LRRC7: variants seen among roughly 807,000 people sequenced by gnomAD.
The protein encoded by LRRC7 is leucine-rich repeat-containing protein 7.
In LRRC7, 23 loss-of-function variants were observed where a neutral mutation model predicts 175.7. That is an observed-to-expected ratio of 0.13 (90% CI 0.09 to 0.19). The LOEUF is 0.19. Among genes scored for constraint, LRRC7 ranks in the 10% least tolerant of loss-of-function variants. The probability of loss-of-function intolerance (pLI) is 1.00; values close to 1 mark genes in which losing one functional copy is unlikely to be tolerated. For missense variants in LRRC7, 1,354 were observed against 1,904.7 expected, an observed-to-expected ratio of 0.71 and a Z score of 5.38; for synonymous variants, 685 against 680.9, an observed-to-expected ratio of 1.01 and a Z score of -0.09.
intron 5 of LRRC7, among the ~76,000 whole-genome samples, chr1:69,827,040 A>C (rs2101257121): frequency 6.6e-6 from 1 of 152,292 alleles, no homozygotes; most frequent in African/African-American, 2.4e-5. Flanking sequence ...AATGTGTTTA[A>C]AAATTACAGT....
chr1:70,130,346 G>C lies in LRRC7; in HGVS notation c.*8459G>C, dbSNP rs920461019. The C allele has an allele frequency of 2.6e-5, 4 of 152,150 alleles. No homozygotes were observed. Among genetic ancestry groups the C allele is most frequent in the Admixed American group, 6.6e-5 (1 of 15,258 alleles). The allele number at this position is 152,150 out of a possible 1,614,324, so 9.4% of individuals were successfully genotyped here. A position where few individuals can be genotyped will look rare whatever the true frequency, so the allele number is the denominator to read the frequency against. On this transcript the variant is annotated 3_prime_UTR_variant, in exon 27 of 27. Transcript: ENST00000651989. Reference sequence around the variant, plus strand: ...GTATAGGTTCTCAATAAATATTTGTGTAATTATTAAGTGGATGACAGGCCT... The same window carrying C: ...GTATAGGTTCTCAATAAATATTTGTCTAATTATTAAGTGGATGACAGGCCT...
Position 69,760,233 on chromosome 1 carries a change from G to A in LRRC7, c.143G>A (p.Arg48His), listed in dbSNP as rs1417501005. The A allele has an allele frequency of 2.2e-5, 36 of 1,612,586 alleles. No individual in the cohort carries two copies. The highest frequency in any genetic ancestry group is 2.8e-5 in the Non-Finnish European group (33 of 1,179,266). Residue 48 changes from arginine to histidine, a missense_variant, in exon 3 of 27, where the codon CGT becomes CAT. Transcript: ENST00000651989. Reference sequence around the variant, plus strand: ...ACCACCAAACGGAAAATCATCGGCCGTCTGGTGCCATGCCGATGTTTCCGA... The same window carrying A: ...ACCACCAAACGGAAAATCATCGGCCATCTGGTGCCATGCCGATGTTTCCGA... ...EMTTKRKIIG[R>H]LVPCRCFRGE... is the part of the protein sequence containing the mutation.
chr1:69,745,600 A>T, intron 2 of LRRC7, among the ~76,000 whole-genome samples: 1 of 151,932 alleles, frequency 6.6e-6, no homozygotes, highest in Middle Eastern at 3.2e-3. Flanking sequence ...AGAATATTTC[A>T]GTCTTCAAAA....
At chr1:69,953,529 C>T (rs1169635004) in intron 8 of LRRC7, among the ~76,000 whole-genome samples, 2 of 152,040 alleles carry the variant, frequency 1.3e-5, no homozygotes, top group Non-Finnish European at 2.9e-5. Context: ...TGAATAGTGC[C>T]TATAACAGAT....
chr1:69,628,491 CAG>C (rs1357201188), intron 1 of LRRC7, among the ~76,000 whole-genome samples: 1 of 152,134 alleles, frequency 6.6e-6, no homozygotes, highest in Non-Finnish European at 1.5e-5. Flanking sequence ...TAAGTAAACT[CAG>C]AGATATTCAC....
chr1:69,607,478 G>T (rs1401333331), intron 1 of LRRC7: 1 of 151,760 alleles, frequency 6.6e-6, no homozygotes, highest in African/African-American at 2.4e-5. Context: ...TTTATACCTT[G>T]ATATACATTT....
chr1:70,023,262 A>T lies in LRRC7; in HGVS notation c.1682A>T (p.Asp561Val). The change falls in exon 17 of 27, where the codon GAC (aspartate) becomes GTC (valine). Residue 561 changes from aspartate (D) to valine (V), a missense_variant. This residue lies in a region of LRRC7 where 1,032 missense variants were observed against 1,227.2 expected (regional missense o/e 0.84). Coordinates refer to ENST00000651989, the MANE Select transcript of LRRC7 (RefSeq NM_001370785.2). Reference protein sequence around the residue: ...QIQDMPVPQNDPQLAWGCISG... With the variant: ...QIQDMPVPQNVPQLAWGCISG... ...CAAGATATGCCCGTCCCCCAGAATG[A>T]CCCACAGCTGGCATGGGGTTGTATA... The T allele has an allele frequency of 6.2e-7, 1 of 1,613,250 alleles. No individual in the cohort carries two copies. The highest frequency in any genetic ancestry group is 8.5e-7 in the Non-Finnish European group (1 of 1,179,552).
At chr1:69,702,716 CAAATAT>C (rs2100701698) in intron 2 of LRRC7, among the ~76,000 whole-genome samples, 1 of 152,042 alleles carries the variant, frequency 6.6e-6, no homozygotes, top group African/African-American at 2.4e-5. Flanking sequence ...ACCTAAAAGA[CAAATAT>C]AAATGATGGA....
At chr1:69,584,732 A>G (rs1026624005) in intron 1 of LRRC7, among the ~76,000 whole-genome samples, 5 of 152,150 alleles carry the variant, frequency 3.3e-5, no homozygotes, top group African/African-American at 7.2e-5. Context: ...TAAAGACAAA[A>G]ATTAATATGT....
intron 10 of LRRC7, among the ~76,000 whole-genome samples, chr1:69,992,307 T>C (rs1203214692): frequency 6.6e-6 from 1 of 152,132 alleles, no homozygotes. Context: ...ACTGCATATA[T>C]GTGTGTGTAG....
In LRRC7 at chr1:69,986,235, C is replaced by A; in HGVS notation, c.787-7C>A. ...AACTAACCCTGAGTTTATGCAATGTCATCAAGTCTATAGGGAAGTTAAAGA... is the reference window on the plus strand; with the variant it reads ...AACTAACCCTGAGTTTATGCAATGTAATCAAGTCTATAGGGAAGTTAAAGA... On this transcript the variant is annotated splice_polypyrimidine_tract_variant and splice_region_variant and intron_variant, in intron 9 of 26. Coordinates refer to ENST00000651989, the MANE Select transcript of LRRC7 (RefSeq NM_001370785.2). The A allele has an allele frequency of 6.2e-7, 1 of 1,610,572 alleles. No homozygotes were observed. Among genetic ancestry groups the A allele is most frequent in the South Asian group, 1.1e-5 (1 of 90,664 alleles).
At chr1:69,577,874 G>A (rs1646021762) in intron 1 of LRRC7, among the ~76,000 whole-genome samples, 1 of 152,058 alleles carries the variant, frequency 6.6e-6, no homozygotes, top group Admixed American at 6.6e-5. Context: ...CTCTTTTTTG[G>A]TTCCATATGA....
Position 69,998,136 on chromosome 1 carries a change from C to T in LRRC7, c.1004+3503C>T, listed in dbSNP as rs1557972433. On this transcript the variant is annotated intron_variant, in intron 11 of 26. Transcript: ENST00000651989. ...GGGAAAGCCTTATTTTTTTAAATAG[C>T]TTTATTAAGTATAATTGACATACAA... 2.0e-5 allele frequency among the ~76,000 whole-genome samples: 3 copies of T among 152,048 alleles called. No homozygotes were observed. The South Asian group carries it at 6.2e-4, about 32-fold the overall frequency.
intron 7 of LRRC7, among the ~76,000 whole-genome samples, chr1:69,924,630 G>A (rs1647002159): frequency 6.6e-6 from 1 of 152,242 alleles, no homozygotes; most frequent in East Asian, 1.9e-4. Context: ...GAATGCTTGT[G>A]ATTTTTGTAC....
intron 25 of LRRC7, among the ~76,000 whole-genome samples, chr1:70,101,266 AT>A (rs1177704431): frequency 6.6e-6 from 1 of 152,162 alleles, no homozygotes; most frequent in African/African-American, 2.4e-5. Flanking sequence ...GCTATATGCT[AT>A]TTTTAACTCA....
At position 70,044,068 on chromosome 1, in the gene LRRC7, GATC is replaced by G; in HGVS notation, c.4089_4091del (p.His1363del). On this transcript the variant is annotated inframe_deletion, in exon 22 of 27. Coordinates refer to ENST00000651989, the MANE Select transcript of LRRC7 (RefSeq NM_001370785.2). ...AAACTTGCAGACTAAGTCTAAATTT[GATC>G]ATCAAGAACTACCTCTTCAGAAAGT... 1.2e-6 allele frequency: 2 copies of G among 1,613,124 alleles called. No homozygotes were observed. Among genetic ancestry groups the G allele is most frequent in the Non-Finnish European group, 1.7e-6 (2 of 1,179,502 alleles).
intron 1 of LRRC7, among the ~76,000 whole-genome samples, chr1:69,602,807 G>A (rs1382646109): frequency 6.6e-6 from 1 of 152,064 alleles, no homozygotes; most frequent in Non-Finnish European, 1.5e-5. Context: ...ACACAGCAGT[G>A]ATCCCATAAG....
chr1:69,718,020 T>A, intron 2 of LRRC7, among the ~76,000 whole-genome samples: 22 of 92,062 alleles, frequency 2.4e-4, no homozygotes, highest in Admixed American at 3.5e-4. Flanking sequence ...AAGCAGAGAC[T>A]AGAAAGAAAA....
chr1:69,785,684 T>G (rs920347702), intron 3 of LRRC7, among the ~76,000 whole-genome samples: 2 of 152,174 alleles, frequency 1.3e-5, no homozygotes, highest in Non-Finnish European at 2.9e-5. Context: ...ATTCTAGAAA[T>G]GTAAACATAC....
Sources: gnomAD v4.1 joint callset for allele counts (sites outside exome capture counted in the v4.1 genomes callset) on GRCh38, gnomAD v4.1.1 for gene constraint, gnomAD v4.1.1 regional missense constraint, MANE v1.5 for transcripts, NCBI Gene and HGNC (gene_info 2026-07-23, HGNC 2026-07-21) for gene names.